The following ZNF862 variants were observed in gnomAD, a reference collection of about 807,000 sequenced individuals.
The protein encoded by ZNF862 is zinc finger protein 862.
A neutral mutation model predicts 91.1 loss-of-function variants in ZNF862; 64 were observed. The observed-to-expected ratio is 0.70, with a 90% CI of 0.57 to 0.87. The LOEUF (loss-of-function observed/expected upper bound fraction) is 0.87. Among genes scored for constraint, ZNF862 ranks in the 40% least tolerant of loss-of-function variants. The pLI is 0.00. For missense variants in ZNF862, 1,459 were observed against 1,528.0 expected (o/e 0.95, Z 0.75); for synonymous variants, 631 against 618.1 (o/e 1.02, Z -0.31).
In ZNF862 at chr7:149,846,044, T is replaced by C. The variant is rs1051072378; in HGVS notation, c.137-107T>C. On this transcript the variant is annotated intron_variant, in intron 2 of 7. Coordinates refer to ENST00000223210, the MANE Select transcript of ZNF862 (RefSeq NM_001099220.3). ...TCCTCCTTGGCCCCTTATCTCACCATGCCGAGAGATGTCGCAGACAGATAC... is the reference window on the plus strand; with the variant it reads ...TCCTCCTTGGCCCCTTATCTCACCACGCCGAGAGATGTCGCAGACAGATAC... 3 of 763,314 alleles carry C rather than the reference T, an allele frequency of 3.9e-6. No individual in the cohort carries two copies. The African/African-American group carries it at 5.3e-5, about 13-fold the overall frequency. The allele number at this position is 763,314 out of a possible 1,614,324, so 47.3% of individuals were successfully genotyped here.
chr7:149,861,367 C>A lies in ZNF862; in HGVS notation c.2207C>A (p.Ala736Asp). 2 of 1,613,062 alleles carry A rather than the reference C, an allele frequency of 1.2e-6. No individual in the cohort carries two copies. Among genetic ancestry groups the A allele is most frequent in the Non-Finnish European group, 1.7e-6 (2 of 1,179,902 alleles). ...AHRLHLAVVD[A>D]CGSIDLVKKC... ...CGGCTGCACCTGGCTGTGGTGGACG[C>A]CTGCGGGAGCATCGATCTGGTGAAG... is the stretch of plus-strand genomic sequence containing the variant. Residue 736 changes from alanine (A) to aspartate (D), a missense_variant, in exon 7 of 8, where the codon GCC becomes GAC. Physicochemically the swap from Ala to Asp is moderately radical, Grantham distance 126 (BLOSUM62 -2). Transcript: ENST00000223210. This position sits in a 1 kb window ranked among gnomAD's most constrained non-coding sequence, Gnocchi z 6.7.
At position 149,855,382 on chromosome 7, in the gene ZNF862, C is replaced by A. The variant is rs949047640; in HGVS notation, c.1118-4040C>A. Among the ~76,000 whole-genome samples, 7 of 152,212 alleles carry A rather than the reference C, an allele frequency of 4.6e-5. No homozygotes were observed. Among genetic ancestry groups the A allele is most frequent in the African/African-American group, 1.7e-4 (7 of 41,440 alleles). On this transcript the variant is annotated intron_variant, in intron 5 of 7. Coordinates refer to ENST00000223210, the MANE Select transcript of ZNF862 (RefSeq NM_001099220.3). This position sits in a 1 kb window ranked among gnomAD's most constrained non-coding sequence, Gnocchi z 4.1. ...TCAATTCTTGCCTTTCCCTCCTCAA[C>A]CTGCTGCGGCTGTAGAATCTGGACC...
chr7:149,844,876 C>T, intron 2 of ZNF862, 140 bp downstream of exon 2: 2 of 618,142 alleles, frequency 3.2e-6, no homozygotes, highest in Non-Finnish European at 5.8e-6. Flanking sequence ...TCTGCTCGAT[C>T]CCGTATCTAC....
Position 149,865,729 on chromosome 7 carries a change from C to T in ZNF862, c.*1445C>T, listed in dbSNP as rs1802691909. ...CTGCCTGATACTTGTTTTAAACAGG[C>T]AGGAAGTGGGCGCCATCCATCCCAG... On this transcript the variant is annotated 3_prime_UTR_variant, in exon 8 of 8. Transcript: ENST00000223210. 1 of 152,216 alleles carries T rather than the reference C, an allele frequency of 6.6e-6. No homozygotes were observed. The highest frequency in any genetic ancestry group is 1.5e-5 in the Non-Finnish European group (1 of 68,058). The allele number at this position is 152,216 out of a possible 1,614,324, so 9.4% of individuals were successfully genotyped here. A position where few individuals can be genotyped will look rare whatever the true frequency, so the allele number is the denominator to read the frequency against.
chr7:149,846,250 A>G lies in ZNF862; in HGVS notation c.236A>G (p.His79Arg), dbSNP rs748486969. ...GGCCAGAGGAGCCTTCTGGAGCATC[A>G]CCCAGGTGAGTGTGGAACTGCACTC... ...VQGQRSLLEH[H>R]PGKKQMGYMG... Residue 79 changes from histidine (H) to arginine (R), a missense_variant, in exon 3 of 8, where the codon CAC becomes CGC. Coordinates refer to ENST00000223210, the MANE Select transcript of ZNF862 (RefSeq NM_001099220.3). 111 of 1,612,720 alleles carry G rather than the reference A, an allele frequency of 6.9e-5. No individual in the cohort carries two copies. The highest frequency in any genetic ancestry group is 3.3e-4 in the Middle Eastern group (2 of 6,046).
At chr7:149,842,218 G>A (rs147177322) in intron 1 of ZNF862, among the ~76,000 whole-genome samples, 284 of 152,302 alleles carry the variant, frequency 1.9e-3, no homozygotes, top group Non-Finnish European at 3.4e-3. Flanking sequence ...AATGTAGAGA[G>A]AGGAAAGGTG....
At chr7:149,841,587 C>T (rs1801706499) in intron 1 of ZNF862, 1 of 985,316 alleles carries the variant, frequency 1.0e-6, no homozygotes, top group African/African-American at 1.7e-5. Flanking sequence ...AGCATCACTA[C>T]AGGAGCCCTT....
chr7:149,859,382 A>G, intron 5 of ZNF862, 40 bp from the exon 6 acceptor site: 2 of 1,520,444 alleles, frequency 1.3e-6, no homozygotes, highest in Non-Finnish European at 1.8e-6. Context: ...CGATTTGGCC[A>G]CAGCAGTGAC....
At position 149,861,720 on chromosome 7, in the gene ZNF862, C is replaced by T. The variant is rs1402812058; in HGVS notation, c.2560C>T (p.Leu854=). 1.2e-6 allele frequency: 2 copies of T among 1,613,508 alleles called. No individual in the cohort carries two copies. The highest frequency in any genetic ancestry group is 8.5e-7 in the Non-Finnish European group (1 of 1,179,784). Residue 854 remains leucine, a synonymous_variant, in exon 7 of 8, where the codon CTG becomes TTG. Transcript: ENST00000223210. This position sits in a 1 kb window ranked among gnomAD's most constrained non-coding sequence, Gnocchi z 6.7. ...GGACTTCCTGAGCATCTACAGGCCT[C>T]TGTCCGAGGTGTGCCAGAAGGAGAT... The part of the protein sequence containing the change: ...LLDFLSIYRP[L]SEVCQKEIVL...
rs550258161 is a variant in ZNF862, at chr7:149,861,916, C to T, written c.2756C>T (p.Ala919Val). ...KLEVAEQRFQ[A>V]DRERTVLTGI... ...GAGGTAGCGGAACAGCGGTTCCAGG[C>T]GGATAGGGAGAGGACAGTCCTGACG... The change falls in exon 7 of 8, where the codon GCG becomes GTG. Residue 919 changes from alanine to valine, a missense_variant. Transcript: ENST00000223210. The surrounding 1 kb of genome is among the most constrained non-coding windows in gnomAD (Gnocchi z 6.7). 12 of 1,613,654 alleles carry T rather than the reference C, an allele frequency of 7.4e-6. No individual in the cohort carries two copies. The highest frequency in any genetic ancestry group is 1.7e-5 in the Admixed American group (1 of 59,992).
At chr7:149,854,207 T>C (rs1802176394) in intron 5 of ZNF862, among the ~76,000 whole-genome samples, 1 of 152,196 alleles carries the variant, frequency 6.6e-6, no homozygotes, top group Non-Finnish European at 1.5e-5. Context: ...CCTGGAACTT[T>C]TTCTTATCAC....
chr7:149,850,713 G>T lies in ZNF862; in HGVS notation c.1117+375G>T. 6.0e-6 allele frequency: 1 copy of T among 167,644 alleles called. No homozygotes were observed. Among genetic ancestry groups the T allele is most frequent in the Non-Finnish European group, 1.3e-5 (1 of 76,926 alleles). The allele number at this position is 167,644 out of a possible 1,614,324, so 10.4% of individuals were successfully genotyped here. ...AAAGAGCTTCCAGAAGAGTACCCGG[G>T]GCTACTGAAGAAGAGGGATTTGATT... On this transcript the variant is annotated intron_variant, in intron 5 of 7. Transcript: ENST00000223210. This position sits in a 1 kb window ranked among gnomAD's most constrained non-coding sequence, Gnocchi z 4.2.
chr7:149,841,669 T>C (rs1485672897), intron 1 of ZNF862: 1 of 985,324 alleles, frequency 1.0e-6, no homozygotes, highest in Non-Finnish European at 1.2e-6. Flanking sequence ...GAGACTGTGC[T>C]GTTGGTGCCC....
Position 149,861,263 on chromosome 7 carries a change from G to T in ZNF862, c.2103G>T (p.Met701Ile), listed in dbSNP as rs749869131. The T allele has an allele frequency of 6.2e-7, 1 of 1,612,196 alleles. No individual in the cohort carries two copies. Among genetic ancestry groups the T allele is most frequent in the South Asian group, 1.1e-5 (1 of 90,954 alleles). ...VVGLGTDGSA[M>I]LSCRGGLVEK... ...GGCTGGGGACGGATGGCTCAGCCAT[G>T]TTGAGCTGCAGAGGAGGCCTTGTGG... The change falls in exon 7 of 8, where the codon ATG (methionine) becomes ATT (isoleucine). Residue 701 changes from methionine (M) to isoleucine (I), a missense_variant. Coordinates refer to ENST00000223210, the MANE Select transcript of ZNF862 (RefSeq NM_001099220.3). The surrounding 1 kb of genome is among the most constrained non-coding windows in gnomAD (Gnocchi z 6.7).
At chr7:149,859,304 T>G in intron 5 of ZNF862, 118 bp from the exon 6 acceptor site, 1 of 983,482 alleles carries the variant, frequency 1.0e-6, no homozygotes, top group Non-Finnish European at 1.6e-6. Flanking sequence ...CGACTAGACT[T>G]TATAAGGACA....
chr7:149,843,198 C>T (rs1392498073), intron 1 of ZNF862, among the ~76,000 whole-genome samples: 10 of 152,016 alleles, frequency 6.6e-5, no homozygotes, highest in Admixed American at 2.6e-4. Flanking sequence ...TAATAGTGAC[C>T]GGTAAGAATG....
Position 149,861,875 on chromosome 7 carries a change from C to T in ZNF862, c.2715C>T (p.Ile905=). The change falls in exon 7 of 8, where the codon ATC becomes ATT. Residue 905 remains isoleucine (I), a synonymous_variant. Coordinates refer to ENST00000223210, the MANE Select transcript of ZNF862 (RefSeq NM_001099220.3). The surrounding 1 kb of genome is among the most constrained non-coding windows in gnomAD (Gnocchi z 6.7). ...ASFKDGRLHG[I]CLDKLEVAEQ... is the part of the protein sequence containing the mutation. ...TCAAGGATGGGCGGCTCCACGGCAT[C>T]TGCTTGGACAAACTGGAGGTAGCGG... 1 of 1,613,750 alleles carries T rather than the reference C, an allele frequency of 6.2e-7. No individual in the cohort carries two copies. The highest frequency in any genetic ancestry group is 1.1e-5 in the South Asian group (1 of 91,084).
At chr7:149,841,836 G>A (rs1481054535) in intron 1 of ZNF862, 5 of 802,704 alleles carry the variant, frequency 6.2e-6, no homozygotes, top group African/African-American at 1.9e-5. Flanking sequence ...TATCTTAGTT[G>A]TCTGCCACCT....
At chr7:149,846,287 C>T (rs1016098743) in intron 3 of ZNF862, 32 bp downstream of exon 3, 18 of 1,563,714 alleles carry the variant, frequency 1.2e-5, no homozygotes, top group Non-Finnish European at 1.6e-5. Flanking sequence ...GGGGCAGATG[C>T]TTGGCTGGAG....
Sources: allele counts gnomAD v4.1 joint callset (sites outside exome capture counted in the v4.1 genomes callset), GRCh38; gene constraint gnomAD v4.1.1; non-coding constraint Gnocchi (gnomAD v3.1); transcripts MANE v1.5; gene names NCBI Gene and HGNC (gene_info 2026-07-23, HGNC 2026-07-21).